HOXB3: variants seen among roughly 807,000 people sequenced by gnomAD.
HOXB3 encodes the protein homeobox protein Hox-B3.
Under a neutral mutation model 29.2 loss-of-function variants are expected in HOXB3, and 17 were observed. That is an observed-to-expected ratio of 0.58 (90% CI 0.40 to 0.87). HOXB3 has a LOEUF of 0.87. Ranked by LOEUF, HOXB3 falls within the 40% of genes least tolerant of loss-of-function variation. The pLI is 0.00. For missense variants in HOXB3, 637 were observed against 616.3 expected (o/e 1.03, Z -0.35); for synonymous variants, 317 against 285.9 (o/e 1.11, Z -1.10).
At position 48,552,072 on chromosome 17, in the gene HOXB3, C is replaced by T; in HGVS notation, c.403G>A (p.Glu135Lys). 6.2e-7 allele frequency: 1 copy of T among 1,605,010 alleles called. No homozygotes were observed. The highest frequency in any genetic ancestry group is 2.2e-5 in the East Asian group (1 of 44,650). Residue 135 changes from glutamate (E) to lysine (K), a missense_variant, in exon 4 of 5, where the codon GAG (glutamate) becomes AAG (lysine). Coordinates refer to ENST00000498678, the MANE Select transcript of HOXB3 (RefSeq NM_001384749.1). ...LTKQIFPWMK[E>K]SRQTSKLKNN... ...TTCAGCTTGGACGTTTGCCTCGACT[C>T]TTTCATCCAGGGGAATATCTGTTTG...
intron 2 of HOXB3, among the ~76,000 whole-genome samples, chr17:48,568,487 C>A (rs2069463318): frequency 6.6e-6 from 1 of 152,162 alleles, no homozygotes. Flanking sequence ...GGGAGCAGAG[C>A]AGAGAGGGAG....
Position 48,550,184 on chromosome 17 carries a change from G to GGGGAA in HOXB3, c.*145_*149dup, listed in dbSNP as rs1207676122. 1 of 1,007,242 alleles carries GGGGAA rather than the reference G, an allele frequency of 9.9e-7. No individual in the cohort carries two copies. The highest frequency in any genetic ancestry group is 1.4e-6 in the Non-Finnish European group (1 of 699,784). The allele number at this position is 1,007,242 out of a possible 1,614,324, so 62.4% of individuals were successfully genotyped here. A position where few individuals can be genotyped will look rare whatever the true frequency, so the allele number is the denominator to read the frequency against. On this transcript the variant is annotated 3_prime_UTR_variant, in exon 5 of 5. Transcript: ENST00000498678. ...ACTTAAAAGCAACCTCTCAGGCCAG[G>GGGGAA]GGGAAGGGAAGGAGCTCCAGGCCGG...
In HOXB3 at chr17:48,550,814, C is replaced by G. The variant is rs201126398; in HGVS notation, c.816G>C (p.Thr272=). ...AGTGTAAGGCGTTCATGAAGCCGGCCGTGGACTGCATGGGCTGCGGGGGGC... is the reference window on the plus strand; with the variant it reads ...AGTGTAAGGCGTTCATGAAGCCGGCGGTGGACTGCATGGGCTGCGGGGGGC... ...AGSPPQPMQS[T]AGFMNALHSM... The change falls in exon 5 of 5, where the codon ACG becomes ACC. Residue 272 remains threonine, a synonymous_variant. Coordinates refer to ENST00000498678, the MANE Select transcript of HOXB3 (RefSeq NM_001384749.1). 6.2e-7 allele frequency: 1 copy of G among 1,613,588 alleles called. No homozygotes were observed. Among genetic ancestry groups the G allele is most frequent in the Admixed American group, 1.7e-5 (1 of 59,988 alleles).
intron 1 of HOXB3, among the ~76,000 whole-genome samples, chr17:48,584,506 AGAGT>A (rs1461321575): frequency 6.6e-6 from 1 of 152,246 alleles, no homozygotes; most frequent in East Asian, 1.9e-4. Flanking sequence ...TAGGGCAAGC[AGAGT>A]GAGTTGATGT....
intron 1 of HOXB3, among the ~76,000 whole-genome samples, chr17:48,585,743 C>T (rs913387050): frequency 2.6e-5 from 4 of 152,170 alleles, no homozygotes; most frequent in African/African-American, 4.8e-5. Context: ...TAGAGAGATG[C>T]ATGCACCTAA....
At chr17:48,555,943 C>G (rs2068970972) in intron 2 of HOXB3, among the ~76,000 whole-genome samples, 1 of 152,074 alleles carries the variant, frequency 6.6e-6, no homozygotes, top group Non-Finnish European at 1.5e-5. Flanking sequence ...TAACAATGGC[C>G]TCTGCTTTTG....
chr17:48,575,075 A>T (rs2069716046), intron 1 of HOXB3: 1 of 152,264 alleles, frequency 6.6e-6, no homozygotes, highest in African/African-American at 2.4e-5. Context: ...GGCCAGCCTC[A>T]TGGAATCCTC....
chr17:48,559,300 T>C (rs891271783), intron 2 of HOXB3, among the ~76,000 whole-genome samples: 5 of 152,212 alleles, frequency 3.3e-5, no homozygotes, highest in Non-Finnish European at 5.9e-5. Context: ...ATTCTCTCAA[T>C]AAGGGCATAC....
At chr17:48,566,479 G>T (rs993534632) in intron 2 of HOXB3, among the ~76,000 whole-genome samples, 1 of 151,872 alleles carries the variant, frequency 6.6e-6, no homozygotes, top group Non-Finnish European at 1.5e-5. Flanking sequence ...CTGGTGGAGT[G>T]GGGGTGGGGG....
chr17:48,577,119 T>G, intron 1 of HOXB3: 2 of 1,170,370 alleles, frequency 1.7e-6, no homozygotes, highest in Non-Finnish European at 2.4e-6. Flanking sequence ...TCCCTCCCTC[T>G]CCCGCCACCT....
intron 1 of HOXB3, 126 bp from the exon 2 acceptor site, chr17:48,574,140 C>A: frequency 2.3e-6 from 1 of 437,024 alleles, no homozygotes; most frequent in South Asian, 4.0e-5. Flanking sequence ...ACTTTAAGCT[C>A]CATAGAAATC....
rs572159653 is a variant in HOXB3 at position 48,550,149 on chromosome 17, G to A, written c.*185C>T. The A allele has an allele frequency of 1.5e-6, 1 of 678,186 alleles. No individual in the cohort carries two copies. The highest frequency in any genetic ancestry group is 2.4e-6 in the Non-Finnish European group (1 of 408,844). 42.0% of individuals were successfully genotyped at this position (678,186 alleles called of 1,614,324 possible). ...ATGGGTTGGCAGGCAGATGGAACAA[G>A]GGGTGGAAGACTTAAAAGCAACCTC... On this transcript the variant is annotated 3_prime_UTR_variant, in exon 5 of 5. Coordinates refer to ENST00000498678, the MANE Select transcript of HOXB3 (RefSeq NM_001384749.1).
chr17:48,551,549 C>T (rs1436031077), intron 4 of HOXB3, among the ~76,000 whole-genome samples: 2 of 152,222 alleles, frequency 1.3e-5, no homozygotes, highest in Admixed American at 6.5e-5. Context: ...CCCCTCCCCG[C>T]CCACCCCGTC....
At chr17:48,569,589 G>A (rs1025088242) in intron 2 of HOXB3, among the ~76,000 whole-genome samples, 2 of 152,060 alleles carry the variant, frequency 1.3e-5, no homozygotes, top group African/African-American at 4.8e-5. Flanking sequence ...TTAGGATTAA[G>A]GTTCCCTCCC....
Position 48,588,445 on chromosome 17 carries a change from G to C in HOXB3, c.-425+1680C>G, listed in dbSNP as rs993980987. Reference sequence around the variant, plus strand: ...TCAGGAGCAGGCCTTACTATCTGGGGTTCTAGCTTCCAGAAGGGCTTTCAG... The same window carrying C: ...TCAGGAGCAGGCCTTACTATCTGGGCTTCTAGCTTCCAGAAGGGCTTTCAG... On this transcript the variant is annotated intron_variant, in intron 1 of 4. Transcript: ENST00000498678. 7.2e-5 allele frequency among the ~76,000 whole-genome samples: 11 copies of C among 152,368 alleles called. No homozygotes were observed. In the East Asian group the frequency reaches 7.7e-4, roughly 11 times the overall value.
chr17:48,550,596 G>T lies in HOXB3; in HGVS notation c.1034C>A (p.Thr345Asn). Residue 345 changes from threonine to asparagine, a missense_variant, in exon 5 of 5, where the codon ACC becomes AAC. Thr to Asn is a moderately conservative substitution (Grantham distance 65). Transcript: ENST00000498678. ...QANGGAYGTP[T>N]MQGSPVYVGG... Reference sequence around the variant, plus strand: ...CACGTACACCGGACTGCCCTGCATGGTGGGCGTCCCGTAGGCGCCCCCGTT... The same window carrying T: ...CACGTACACCGGACTGCCCTGCATGTTGGGCGTCCCGTAGGCGCCCCCGTT... 1 of 1,522,826 alleles carries T rather than the reference G, an allele frequency of 6.6e-7. No individual in the cohort carries two copies. The highest frequency in any genetic ancestry group is 8.8e-7 in the Non-Finnish European group (1 of 1,141,696). 94.3% of individuals were successfully genotyped at this position (1,522,826 alleles called of 1,614,324 possible).
chr17:48,558,834 G>A (rs921468468), intron 2 of HOXB3, among the ~76,000 whole-genome samples: 5 of 152,010 alleles, frequency 3.3e-5, no homozygotes, highest in African/African-American at 1.2e-4. Context: ...CCATGATTTC[G>A]GAACAGACTG....
intron 2 of HOXB3, among the ~76,000 whole-genome samples, chr17:48,558,279 G>T (rs1360785736): frequency 6.6e-6 from 1 of 152,106 alleles, no homozygotes; most frequent in Non-Finnish European, 1.5e-5. Context: ...GAGTGTTCCA[G>T]AGACAACAGC....
In HOXB3 at chr17:48,550,282, C is replaced by G. The variant is rs941273345; in HGVS notation, c.*52G>C. On this transcript the variant is annotated 3_prime_UTR_variant, in exon 5 of 5. Coordinates refer to ENST00000498678, the MANE Select transcript of HOXB3 (RefSeq NM_001384749.1). ...GACCTCCAGGTTGCCCCCCAGAGCTCCACAGTCTCTCTCTTCCTCCCCATC... is the reference window on the plus strand; with the variant it reads ...GACCTCCAGGTTGCCCCCCAGAGCTGCACAGTCTCTCTCTTCCTCCCCATC... 1.9e-6 allele frequency: 3 copies of G among 1,609,826 alleles called. No individual in the cohort carries two copies. In the African/African-American group the frequency reaches 4.0e-5, roughly 22 times the overall value.
Sources: gnomAD v4.1 joint callset for allele counts (sites outside exome capture counted in the v4.1 genomes callset) on GRCh38, gnomAD v4.1.1 for gene constraint, MANE v1.5 for transcripts, NCBI Gene and HGNC (gene_info 2026-07-23, HGNC 2026-07-21) for gene names.